CRY1: variants seen among roughly 807,000 people sequenced by gnomAD.
The protein encoded by CRY1 is cryptochrome-1.
Under a neutral mutation model 76.0 loss-of-function variants are expected in CRY1, and 45 were observed. The ratio of observed to expected loss-of-function variants is 0.59; its 90% CI spans 0.47 to 0.76. The LOEUF is 0.76. CRY1 is among the 30% of genes least tolerant of loss of function. The pLI, the probability that CRY1 is intolerant of heterozygous loss-of-function variation, is 0.00. For synonymous variants in CRY1, 248 were observed against 244.0 expected (o/e 1.02, Z -0.15); for missense variants, 587 against 716.4 (o/e 0.82, Z 2.06).
At chr12:107,056,503 T>C (rs1952983869) in intron 1 of CRY1, among the ~76,000 whole-genome samples, 1 of 152,146 alleles carries the variant, frequency 6.6e-6, no homozygotes, top group South Asian at 2.1e-4. Context: ...GGGCTGCATG[T>C]GGCCCAGGTC....
intron 1 of CRY1, among the ~76,000 whole-genome samples, chr12:107,050,839 T>C (rs1324476444): frequency 1.3e-5 from 2 of 151,996 alleles, no homozygotes; most frequent in African/African-American, 4.8e-5. Context: ...CAAATGGGTG[T>C]TTGGATGTCA....
chr12:107,066,740 A>G (rs1208609112), intron 1 of CRY1, among the ~76,000 whole-genome samples: 4 of 152,026 alleles, frequency 2.6e-5, no homozygotes, highest in Admixed American at 6.5e-5. Context: ...TTAGGATTAC[A>G]GGCATGCAAC....
intron 2 of CRY1, among the ~76,000 whole-genome samples, chr12:107,016,264 C>T (rs1217528804): frequency 6.6e-6 from 1 of 152,026 alleles, no homozygotes; most frequent in African/African-American, 2.4e-5. Context: ...GAGCTGAGAT[C>T]GTGCCACTGC....
chr12:107,077,338 C>T (rs1322258173), intron 1 of CRY1, among the ~76,000 whole-genome samples: 1 of 152,170 alleles, frequency 6.6e-6, no homozygotes, highest in African/African-American at 2.4e-5. Flanking sequence ...TCCTTACAGG[C>T]AAGAACCATA....
chr12:106,998,389 C>T lies in CRY1; in HGVS notation c.1138-323G>A, dbSNP rs181981741. Among the ~76,000 whole-genome samples the T allele has an allele frequency of 2.6e-5, 4 of 152,160 alleles. No individual in the cohort carries two copies. In the East Asian group the frequency reaches 7.7e-4, roughly 29 times the overall value. On this transcript the variant is annotated intron_variant, in intron 7 of 12. Coordinates refer to ENST00000008527, the MANE Select transcript of CRY1 (RefSeq NM_004075.5). ...TTTAAAAGGATATTATTAGTAGACA[C>T]AGGAAAAGCAGTCAACCACTTTCAA...
At position 107,069,572 on chromosome 12, in the gene CRY1, AAG is replaced by A. The variant is rs1311280706; in HGVS notation, c.158+23230_158+23231del. Among the ~76,000 whole-genome samples, 7 of 134,760 alleles carry A rather than the reference AAG, an allele frequency of 5.2e-5. No homozygotes were observed. In the East Asian group the frequency reaches 1.2e-3, roughly 24 times the overall value. 88.4% of individuals were successfully genotyped at this position (134,760 alleles called of 152,430 possible). A position where few individuals can be genotyped will look rare whatever the true frequency, so the allele number is the denominator to read the frequency against. On this transcript the variant is annotated intron_variant, in intron 1 of 12. Transcript: ENST00000008527. ...AAAGTATATATATAATATATATATA[AAG>A]TATATATATAAAGTATATATATATA...
At chr12:107,009,552 A>C (rs1202277814) in intron 2 of CRY1, among the ~76,000 whole-genome samples, 1 of 57,250 alleles carries the variant, frequency 1.7e-5, no homozygotes, top group East Asian at 6.4e-4. Flanking sequence ...AAAAACAAAA[A>C]AACAAAAAAA....
rs543014260 is a variant in CRY1, at chr12:107,023,102, T to C, written c.159-910A>G. ...GTTAAGTTTCATTTAGATTCTGTTC[T>C]TTTCAGCTGGACGTATCTTATTTCC... On this transcript the variant is annotated intron_variant, in intron 1 of 12. Coordinates refer to ENST00000008527, the MANE Select transcript of CRY1 (RefSeq NM_004075.5). Among the ~76,000 whole-genome samples the C allele has an allele frequency of 5.1e-4, 78 of 152,352 alleles. No individual in the cohort carries two copies. In the South Asian group the frequency reaches 8.5e-3, roughly 17 times the overall value.
Position 106,997,633 on chromosome 12 carries a change from A to C in CRY1, c.1347T>G (p.Asn449Lys). The part of the protein sequence containing the change: ...FPAKYIYDPW[N>K]APEGIQKVAK... ...CTACCTTTTGGATACCTTCTGGTGC[A>C]TTCCAGGGATCATAGATATATTTTG... Residue 449 changes from asparagine to lysine, a missense_variant, in exon 9 of 13, where the codon AAT (asparagine) becomes AAG (lysine). By Grantham distance (94) the Asn-to-Lys change is moderately conservative. Coordinates refer to ENST00000008527, the MANE Select transcript of CRY1 (RefSeq NM_004075.5). The C allele has an allele frequency of 6.2e-7, 1 of 1,614,162 alleles. No individual in the cohort carries two copies. The highest frequency in any genetic ancestry group is 8.5e-7 in the Non-Finnish European group (1 of 1,180,000).
intron 8 of CRY1, 27 bp from the exon 9 acceptor site, chr12:106,997,717 A>G (rs1300164123): frequency 6.2e-7 from 1 of 1,611,010 alleles, no homozygotes; most frequent in East Asian, 2.2e-5. Context: ...AAAGATTACT[A>G]ATAAAATGCA....
chr12:106,995,080 T>A (rs551327436), intron 10 of CRY1, among the ~76,000 whole-genome samples: 119 of 152,226 alleles, frequency 7.8e-4, no homozygotes, highest in Non-Finnish European at 1.3e-3. Flanking sequence ...TTGGAGCTAG[T>A]CAGACTTGGA....
intron 5 of CRY1, 106 bp downstream of exon 5, chr12:107,001,174 C>T (rs905804804): frequency 1.5e-5 from 12 of 783,560 alleles, no homozygotes; most frequent in Non-Finnish European, 2.5e-5. Context: ...TTCTGTTAAT[C>T]CTCCCCTTTC....
intron 1 of CRY1, among the ~76,000 whole-genome samples, chr12:107,035,911 C>T (rs577040526): frequency 2.8e-4 from 43 of 152,186 alleles, no homozygotes; most frequent in Admixed American, 3.9e-4. Flanking sequence ...CCTGGTTGGT[C>T]AGAATAGAAC....
intron 1 of CRY1, among the ~76,000 whole-genome samples, chr12:107,050,702 C>T (rs1167855802): frequency 2.0e-5 from 3 of 152,048 alleles, no homozygotes; most frequent in Non-Finnish European, 4.4e-5. Flanking sequence ...GCAGCACAAA[C>T]AGAAATAACA....
chr12:107,003,076 T>G lies in CRY1; in HGVS notation c.411-1128A>C, dbSNP rs568472066. 1.6e-3 allele frequency among the ~76,000 whole-genome samples: 244 copies of G among 152,342 alleles called. 2 individuals carry two copies. The highest frequency in any genetic ancestry group is 3.4e-3 in the Middle Eastern group (1 of 294). On this transcript the variant is annotated intron_variant, in intron 3 of 12. Coordinates refer to ENST00000008527, the MANE Select transcript of CRY1 (RefSeq NM_004075.5). ...CTTCAGCAAATTTTATAAATTTTGA[T>G]TCTATATTACTGTGGTGACAATTAC... is the stretch of plus-strand genomic sequence containing the variant.
At chr12:107,000,153 ATT>A in intron 5 of CRY1, 71 bp from the exon 6 acceptor site, 6 of 1,256,732 alleles carry the variant, frequency 4.8e-6, no homozygotes, top group Admixed American at 2.7e-5. Flanking sequence ...CAGAATGGAG[ATT>A]TTTTTTTTTA....
chr12:107,092,755 T>C, intron 1 of CRY1, 49 bp downstream of exon 1: 47 of 1,604,068 alleles, frequency 2.9e-5, no homozygotes, highest in Non-Finnish European at 3.9e-5. Flanking sequence ...TTCATTAACA[T>C]CAGACTCATT....
At chr12:107,015,311 C>T (rs565838791) in intron 2 of CRY1, among the ~76,000 whole-genome samples, 3 of 151,288 alleles carry the variant, frequency 2.0e-5, no homozygotes, top group African/African-American at 7.3e-5. Context: ...TGAGTTTTTA[C>T]ATCTTAACCA....
At chr12:107,000,443 C>A (rs1952294871) in intron 5 of CRY1, among the ~76,000 whole-genome samples, 1 of 151,884 alleles carries the variant, frequency 6.6e-6, no homozygotes, top group African/African-American at 2.4e-5. Context: ...CCTCCAGCTC[C>A]CGGGTGGAGG....
Sources: gnomAD v4.1 joint callset for allele counts (sites outside exome capture counted in the v4.1 genomes callset) on GRCh38, gnomAD v4.1.1 for gene constraint, MANE v1.5 for transcripts, NCBI Gene and HGNC (gene_info 2026-07-23, HGNC 2026-07-21) for gene names.